The following PARP16 variants were observed in gnomAD, a reference collection of about 807,000 sequenced individuals.
PARP16 encodes the protein poly(ADP-ribose) polymerase family member 16, also known as protein mono-ADP-ribosyltransferase PARP16.
In PARP16, 31 loss-of-function variants were observed where a neutral mutation model predicts 35.0. The observed-to-expected ratio is 0.88, with a 90% CI of 0.66 to 1.19. The LOEUF is 1.19. PARP16 is among the 50% of genes most tolerant of loss of function. PARP16 has a pLI of 0.00. For missense variants in PARP16, 424 were observed against 411.2 expected, an observed-to-expected ratio of 1.03 and a Z score of -0.27; for synonymous variants, 162 against 169.5, an observed-to-expected ratio of 0.96 and a Z score of 0.34.
intron 3 of PARP16, among the ~76,000 whole-genome samples, chr15:65,235,256 G>A (rs1201944048): frequency 2.0e-5 from 3 of 151,948 alleles, no homozygotes; most frequent in Admixed American, 6.6e-5. Context: ...GCAGTGAGCC[G>A]AGATCGCGCC....
chr15:65,245,933 GC>G (rs746940596), intron 3 of PARP16, among the ~76,000 whole-genome samples: 6 of 152,296 alleles, frequency 3.9e-5, no homozygotes, highest in South Asian at 2.1e-4. Context: ...AAGCAGAGCA[GC>G]CAGATATGGT....
chr15:65,273,170 C>A lies in PARP16; in HGVS notation c.175-2098G>T, dbSNP rs570925208. Among the ~76,000 whole-genome samples the A allele has an allele frequency of 1.3e-4, 20 of 148,572 alleles. No individual in the cohort carries two copies. The East Asian group carries it at 3.7e-3, about 27-fold the overall frequency. ...GCATGTGCCTGTAGTCCCAGCTACTCGGGAGGCCAAGGTAAAAGAATCACT... is the reference window on the plus strand; with the variant it reads ...GCATGTGCCTGTAGTCCCAGCTACTAGGGAGGCCAAGGTAAAAGAATCACT... On this transcript the variant is annotated intron_variant, in intron 1 of 5. Coordinates refer to ENST00000649807, the MANE Select transcript of PARP16 (RefSeq NM_001316943.2).
chr15:65,268,065 T>A (rs2089966633), intron 2 of PARP16, among the ~76,000 whole-genome samples: 1 of 152,136 alleles, frequency 6.6e-6, no homozygotes, highest in African/African-American at 2.4e-5. Flanking sequence ...AAAAATTCCC[T>A]CTCATCCTTG....
intron 3 of PARP16, among the ~76,000 whole-genome samples, chr15:65,236,841 G>A (rs2088890806): frequency 6.6e-6 from 1 of 151,966 alleles, no homozygotes. Flanking sequence ...ATGTGGTGGC[G>A]GGCACCTGTA....
downstream of PARP16, among the ~76,000 whole-genome samples, chr15:65,233,461 G>A (rs1039950122): frequency 2.1e-4 from 31 of 150,884 alleles, no homozygotes; most frequent in African/African-American, 6.8e-4. Flanking sequence ...AAGAGAAGCC[G>A]GGCACGGTGG....
intron 3 of PARP16, among the ~76,000 whole-genome samples, chr15:65,247,171 T>C (rs2089230884): frequency 6.6e-6 from 1 of 152,090 alleles, no homozygotes; most frequent in Non-Finnish European, 1.5e-5. Context: ...TTTAAAAATT[T>C]GTTGTAGAGA....
chr15:65,269,208 T>TTTCTTTC (rs1332194127), intron 2 of PARP16, among the ~76,000 whole-genome samples: 9 of 97,078 alleles, frequency 9.3e-5, no homozygotes, highest in African/African-American at 1.7e-4. Flanking sequence ...TTCTTTCTTT[T>TTTCTTTC]TTTTTTGAGA....
downstream of PARP16, among the ~76,000 whole-genome samples, chr15:65,231,626 T>G (rs1417658257): frequency 3.3e-5 from 5 of 152,042 alleles, no homozygotes; most frequent in Admixed American, 2.0e-4. Context: ...ACTTGTATTT[T>G]TAGTAGAGAC....
downstream of PARP16, among the ~76,000 whole-genome samples, chr15:65,233,466 C>T (rs2088807830): frequency 6.6e-6 from 1 of 151,846 alleles, no homozygotes; most frequent in Non-Finnish European, 1.5e-5. Context: ...AAGCCGGGCA[C>T]GGTGGCTCAT....
intron 2 of PARP16, among the ~76,000 whole-genome samples, chr15:65,250,732 G>C (rs964313769): frequency 2.6e-5 from 4 of 152,150 alleles, no homozygotes; most frequent in Non-Finnish European, 5.9e-5. Context: ...CCTACCCATT[G>C]CTGCTTCCGG....
intron 1 of PARP16, among the ~76,000 whole-genome samples, chr15:65,280,178 T>A (rs2090378473): frequency 6.6e-6 from 1 of 152,118 alleles, no homozygotes; most frequent in Non-Finnish European, 1.5e-5. Flanking sequence ...GGTTCACGCC[T>A]GTAATCCCAG....
intron 2 of PARP16, among the ~76,000 whole-genome samples, chr15:65,268,189 T>G (rs1426950587): frequency 6.6e-6 from 1 of 152,138 alleles, no homozygotes; most frequent in Non-Finnish European, 1.5e-5. Flanking sequence ...TGACCTGCTT[T>G]GGCCAACGGG....
At chr15:65,240,438 G>A (rs574337719) in intron 3 of PARP16, among the ~76,000 whole-genome samples, 17 of 151,844 alleles carry the variant, frequency 1.1e-4, no homozygotes, top group African/African-American at 4.1e-4. Flanking sequence ...TGCCCAGGCT[G>A]GTCTCAAACT....
At chr15:65,283,201 C>T (rs543262352) in intron 1 of PARP16, among the ~76,000 whole-genome samples, 1 of 152,248 alleles carries the variant, frequency 6.6e-6, no homozygotes, top group African/African-American at 2.4e-5. Flanking sequence ...CTTTGGAAGG[C>T]TGAGGTGGGA....
chr15:65,244,250 T>C (rs565708190), intron 3 of PARP16, among the ~76,000 whole-genome samples: 80 of 152,194 alleles, frequency 5.3e-4, no homozygotes, highest in Non-Finnish European at 1.0e-3. Context: ...TCATATAATA[T>C]ATAATATACA....
chr15:65,243,199 G>A (rs764775384), intron 3 of PARP16, among the ~76,000 whole-genome samples: 3 of 152,030 alleles, frequency 2.0e-5, no homozygotes, highest in Non-Finnish European at 4.4e-5. Flanking sequence ...GATATTTCTT[G>A]CCTCATTCTC....
chr15:65,271,450 T>C (rs891452228), intron 1 of PARP16, among the ~76,000 whole-genome samples: 1 of 151,978 alleles, frequency 6.6e-6, no homozygotes, highest in Admixed American at 6.6e-5. Context: ...CTTTTCATAT[T>C]TTTTGGTAGA....
intron 2 of PARP16, among the ~76,000 whole-genome samples, chr15:65,249,552 A>G (rs1050527342): frequency 2.6e-5 from 4 of 152,188 alleles, no homozygotes; most frequent in African/African-American, 9.7e-5. Flanking sequence ...CCTCTGCTGG[A>G]GGTGGACGAA....
intron 2 of PARP16, among the ~76,000 whole-genome samples, chr15:65,250,081 C>G (rs2089315077): frequency 6.8e-6 from 1 of 146,412 alleles, no homozygotes; most frequent in South Asian, 2.1e-4. Context: ...GACAGCCCCT[C>G]TAGCTGCAGC....
Sources: allele counts gnomAD v4.1 joint callset (sites outside exome capture counted in the v4.1 genomes callset), GRCh38; gene constraint gnomAD v4.1.1; transcripts MANE v1.5; gene names NCBI Gene and HGNC (gene_info 2026-07-23, HGNC 2026-07-21).